Variants in KCNH7 observed in about 807,000 individuals in gnomAD.
KCNH7 encodes the protein voltage-gated inwardly rectifying potassium channel KCNH7.
KCNH7 carries 49 observed loss-of-function variants against 120.8 expected under a neutral mutation model. The ratio of observed to expected loss-of-function variants is 0.41; its 90% CI spans 0.32 to 0.51. The LOEUF (loss-of-function observed/expected upper bound fraction) is 0.51, where lower values mean the gene tolerates loss of function less well. Ranked by LOEUF, KCNH7 falls within the 20% of genes least tolerant of loss-of-function variation. KCNH7 has a pLI of 0.38. For synonymous variants in KCNH7, 547 were observed against 516.1 expected (o/e 1.06, Z -0.81); for missense variants, 1,097 against 1,446.6 (o/e 0.76, Z 3.92).
At chr2:162,416,641 C>G (rs764150119) in intron 9 of KCNH7, among the ~76,000 whole-genome samples, 6 of 152,054 alleles carry the variant, frequency 3.9e-5, no homozygotes, top group Non-Finnish European at 5.9e-5. Flanking sequence ...GTGGGTTGCA[C>G]AGCATACTGA....
At chr2:162,765,483 T>C (rs1481074425) in intron 2 of KCNH7, among the ~76,000 whole-genome samples, 2 of 152,244 alleles carry the variant, frequency 1.3e-5, no homozygotes, top group Non-Finnish European at 2.9e-5. Flanking sequence ...GGTAGGTCCT[T>C]TGCTGTGTGC....
At chr2:162,534,869 A>T (rs1470729628) in intron 3 of KCNH7, among the ~76,000 whole-genome samples, 2 of 151,896 alleles carry the variant, frequency 1.3e-5, no homozygotes, top group Admixed American at 1.3e-4. Context: ...AATATGCGTT[A>T]AGAGAACCCA....
chr2:162,790,228 C>A (rs764551010), intron 2 of KCNH7, among the ~76,000 whole-genome samples: 1 of 150,452 alleles, frequency 6.6e-6, no homozygotes, highest in Non-Finnish European at 1.5e-5. Flanking sequence ...ATTGGATAAC[C>A]GAGAAGAAAT....
chr2:162,634,787 A>G (rs1463627447), intron 2 of KCNH7, among the ~76,000 whole-genome samples: 2 of 152,058 alleles, frequency 1.3e-5, no homozygotes, highest in African/African-American at 2.4e-5. Context: ...AAGACCTGTC[A>G]CTGTTCACTA....
chr2:162,711,598 C>A (rs1378880889), intron 2 of KCNH7, among the ~76,000 whole-genome samples: 1 of 152,040 alleles, frequency 6.6e-6, no homozygotes, highest in Non-Finnish European at 1.5e-5. Context: ...ATTGTGTGCC[C>A]GTTCAACCTT....
At chr2:162,771,831 G>A (rs926617265) in intron 2 of KCNH7, 2 of 151,942 alleles carry the variant, frequency 1.3e-5, no homozygotes, top group African/African-American at 4.8e-5. Flanking sequence ...ATACTATGTA[G>A]TTCACAAATA....
intron 2 of KCNH7, among the ~76,000 whole-genome samples, chr2:162,763,319 A>G (rs1394709070): frequency 6.6e-6 from 1 of 152,092 alleles, no homozygotes; most frequent in African/African-American, 2.4e-5. Context: ...AAAGCCCTGT[A>G]TCTATATCCA....
At chr2:162,612,032 T>C (rs1682987265) in intron 2 of KCNH7, among the ~76,000 whole-genome samples, 1 of 152,224 alleles carries the variant, frequency 6.6e-6, no homozygotes, top group African/African-American at 2.4e-5. Context: ...ACTTCTATTT[T>C]CAGCATTATG....
At chr2:162,399,559 G>A (rs1687011823) in intron 10 of KCNH7, among the ~76,000 whole-genome samples, 1 of 151,366 alleles carries the variant, frequency 6.6e-6, no homozygotes, top group Non-Finnish European at 1.5e-5. Context: ...GTGTGTACAT[G>A]GCCTAAATTT....
intron 2 of KCNH7, among the ~76,000 whole-genome samples, chr2:162,541,843 T>G (rs1435523708): frequency 6.6e-6 from 1 of 152,066 alleles, no homozygotes; most frequent in Non-Finnish European, 1.5e-5. Context: ...ACCCCTGAAC[T>G]TAAAATAAAA....
chr2:162,677,751 G>A lies in KCNH7; in HGVS notation c.308-140671C>T, dbSNP rs112935875. Among the ~76,000 whole-genome samples the A allele has an allele frequency of 1.5e-3, 232 of 151,446 alleles. 1 individual carries two copies. The highest frequency in any genetic ancestry group is 4.9e-3 in the African/African-American group (204 of 41,432). ...ATTCTGTCAAACATCTTTCCAACCC[G>A]GGTTTATCAATTTACAGTCACATCA... On this transcript the variant is annotated intron_variant, in intron 2 of 15. Transcript: ENST00000332142.
chr2:162,678,249 A>G (rs537616060), intron 2 of KCNH7, among the ~76,000 whole-genome samples: 1 of 151,390 alleles, frequency 6.6e-6, no homozygotes, highest in Non-Finnish European at 1.5e-5. Flanking sequence ...GAAACTATAT[A>G]TGTAAATTCC....
At chr2:162,450,320 G>A (rs1369567673) in intron 6 of KCNH7, among the ~76,000 whole-genome samples, 2 of 152,004 alleles carry the variant, frequency 1.3e-5, no homozygotes, top group Non-Finnish European at 2.9e-5. Context: ...CAGAACCACT[G>A]CAATTTGGTA....
chr2:162,482,512 T>A (rs1446738008), intron 6 of KCNH7, among the ~76,000 whole-genome samples: 2 of 152,096 alleles, frequency 1.3e-5, no homozygotes, highest in Admixed American at 6.6e-5. Flanking sequence ...TTCATGTGGG[T>A]GATAGTGCAA....
intron 9 of KCNH7, among the ~76,000 whole-genome samples, chr2:162,406,524 T>C (rs1007849362): frequency 2.0e-5 from 3 of 152,062 alleles, no homozygotes; most frequent in African/African-American, 2.4e-5. Flanking sequence ...GGAAATTTTC[T>C]AGGGAAATTT....
intron 13 of KCNH7, 138 bp from the exon 14 acceptor site, chr2:162,380,159 G>T: frequency 1.0e-6 from 1 of 979,470 alleles, no homozygotes; most frequent in Non-Finnish European, 1.5e-6. Context: ...TCAGTGATGT[G>T]TCCAGGGGCC....
At chr2:162,465,116 T>C (rs1001640233) in intron 6 of KCNH7, among the ~76,000 whole-genome samples, 48 of 152,142 alleles carry the variant, frequency 3.2e-4, no homozygotes, top group Admixed American at 3.1e-3. Context: ...TATTATACTG[T>C]TTCATCTCTA....
At chr2:162,831,549 C>T (rs1411517132) in intron 2 of KCNH7, among the ~76,000 whole-genome samples, 1 of 152,182 alleles carries the variant, frequency 6.6e-6, no homozygotes, top group African/African-American at 2.4e-5. Context: ...GGTGACACCT[C>T]AAAACTTAAT....
chr2:162,486,247 A>T (rs1690091697), intron 6 of KCNH7, among the ~76,000 whole-genome samples: 1 of 152,170 alleles, frequency 6.6e-6, no homozygotes, highest in Non-Finnish European at 1.5e-5. Flanking sequence ...TCAGCTCATT[A>T]GGATGAGGGG....
Sources: allele counts gnomAD v4.1 joint callset (sites outside exome capture counted in the v4.1 genomes callset), GRCh38; gene constraint gnomAD v4.1.1; transcripts MANE v1.5; gene names NCBI Gene and HGNC (gene_info 2026-07-23, HGNC 2026-07-21).